Variants in PDE4DIP observed in about 807,000 individuals in gnomAD.
PDE4DIP encodes phosphodiesterase 4D interacting protein, also known as myomegalin.
Under a neutral mutation model 221.4 loss-of-function variants are expected in PDE4DIP, and 59 were observed. That is an observed-to-expected ratio of 0.27 (90% confidence interval 0.22 to 0.33). The LOEUF (loss-of-function observed/expected upper bound fraction) is 0.33, where lower values mean the gene tolerates loss of function less well. PDE4DIP is among the 10% of genes least tolerant of loss of function. PDE4DIP has a pLI of 1.00. For missense variants in PDE4DIP, 1,036 were observed against 2,154.2 expected, an observed-to-expected ratio of 0.48 and a Z score of 10.28; for synonymous variants, 404 against 815.9, an observed-to-expected ratio of 0.50 and a Z score of 8.60.
intron 27 of PDE4DIP, among the ~76,000 whole-genome samples, chr1:149,006,031 G>A (rs1395570161): frequency 2.0e-4 from 30 of 152,268 alleles, no homozygotes; most frequent in Non-Finnish European, 4.3e-4. Flanking sequence ...TATTCGGGAG[G>A]CTGAGGCAGG....
chr1:149,012,618 T>C (rs782134708), exon 32 of PDE4DIP: 3 of 1,602,656 alleles, frequency 1.9e-6, no homozygotes, highest in East Asian at 4.5e-5. Context: ...ATACCCAAGC[T>C]GGCTAGCCTT....
intron 6 of PDE4DIP, among the ~76,000 whole-genome samples, chr1:148,961,268 A>C (rs1265147004): frequency 2.0e-5 from 3 of 152,214 alleles, no homozygotes; most frequent in Admixed American, 2.0e-4. Flanking sequence ...GGACCATGCC[A>C]CTGCACTCAG....
rs587687259 is a variant in PDE4DIP at position 148,815,394 on chromosome 1, C to G, written c.233+6657C>G. On this transcript the variant is annotated intron_variant, in intron 1 of 45. Coordinates refer to the PDE4DIP transcript ENST00000524974. ...TGAAACCCTGTCTCTGTTAAAAATA[C>G]AAAAGTTAGCTGGGCGTGGTGGCAT... Among the ~76,000 whole-genome samples the G allele has an allele frequency of 3.4e-4, 50 of 145,158 alleles. No homozygotes were observed. In the East Asian group the frequency reaches 3.6e-3, roughly 11 times the overall value.
intron 39 of PDE4DIP, among the ~76,000 whole-genome samples, chr1:149,027,124 TATTA>T (rs1277151664): frequency 2.1e-5 from 3 of 145,744 alleles, no homozygotes; most frequent in African/African-American, 7.6e-5. Flanking sequence ...CTCAGAAACT[TATTA>T]TTTATTATGA....
exon 44 of PDE4DIP, chr1:149,032,649 T>A (rs1473939033): frequency 2.2e-5 from 5 of 230,708 alleles, no homozygotes; most frequent in African/African-American, 8.9e-5. Context: ...TTTTCTTCTA[T>A]GATATCCAAA....
intron 21 of PDE4DIP, chr1:148,984,977 C>T (rs1440951009): frequency 2.6e-5 from 4 of 152,094 alleles, no homozygotes; most frequent in African/African-American, 9.7e-5. Context: ...TGCAGGTTTA[C>T]AGTCAGTATC....
chr1:149,023,654 A>T (rs879961635), intron 37 of PDE4DIP, among the ~76,000 whole-genome samples: 1 of 131,612 alleles, frequency 7.6e-6, no homozygotes. Context: ...ATATATGTAC[A>T]TGTATATGTG....
intron 3 of PDE4DIP, among the ~76,000 whole-genome samples, chr1:148,877,011 CA>C (rs1318672732): frequency 7.1e-6 from 1 of 141,528 alleles, no homozygotes; most frequent in Non-Finnish European, 1.5e-5. Flanking sequence ...GACTCCGTCT[CA>C]AAAAAAACAA....
At chr1:148,916,990 AC>A (rs2044234321) in intron 1 of PDE4DIP, among the ~76,000 whole-genome samples, 1 of 147,956 alleles carries the variant, frequency 6.8e-6, no homozygotes, top group South Asian at 2.2e-4. Context: ...CTCCAGACTT[AC>A]CCCTGGCTTT....
chr1:149,029,195 G>T (rs2076013333), intron 41 of PDE4DIP, among the ~76,000 whole-genome samples: 1 of 152,122 alleles, frequency 6.6e-6, no homozygotes, highest in African/African-American at 2.4e-5. Context: ...GGGAAAGTCA[G>T]CCACCCCTCA....
chr1:148,818,116 T>C (rs1196279258), intron 1 of PDE4DIP, among the ~76,000 whole-genome samples: 1 of 148,880 alleles, frequency 6.7e-6, no homozygotes, highest in Non-Finnish European at 1.5e-5. Flanking sequence ...GCCCCGCCCA[T>C]GTATTAATAT....
rs587639290 is a variant in PDE4DIP at position 148,844,687 on chromosome 1, G to A, written c.234-18563G>A. The A allele has an allele frequency of 5.7e-4, 14 of 24,604 alleles. No homozygotes were observed. In the South Asian group the frequency reaches 5.9e-3, roughly 10 times the overall value. 1.5% of individuals were successfully genotyped at this position (24,604 alleles called of 1,614,324 possible). ...GAAAAAGCTGCTGCCTTTTGCGCTG[G>A]AGATTCGTGGGCAAGGCTTCTCATT... On this transcript the variant is annotated intron_variant, in intron 1 of 45. Coordinates refer to the PDE4DIP transcript ENST00000524974.
At chr1:149,012,740 C>A (rs587629236) in exon 32 of PDE4DIP, 1 of 1,611,728 alleles carries the variant, frequency 6.2e-7, no homozygotes, top group Non-Finnish European at 8.5e-7. Context: ...TGAGGCTCAG[C>A]AGGAGCTACA....
Position 148,943,741 on chromosome 1 carries a change from A to G in PDE4DIP, c.636+5877A>G, listed in dbSNP as rs367615555. On this transcript the variant is annotated intron_variant, in intron 5 of 43. Coordinates refer to ENST00000369354, the Ensembl canonical transcript of PDE4DIP. ...TTCCAAATACTTCAGAAGCAGTCTTAGTCCACTCAGGCTGCTATAACAGAA... is the reference window on the plus strand; with the variant it reads ...TTCCAAATACTTCAGAAGCAGTCTTGGTCCACTCAGGCTGCTATAACAGAA... Among the ~76,000 whole-genome samples the G allele has an allele frequency of 3.0e-3, 337 of 113,738 alleles. 3 individuals carry two copies. Among genetic ancestry groups the G allele is most frequent in the African/African-American group, 0.011 (317 of 28,838 alleles). 74.6% of individuals were successfully genotyped at this position (113,738 alleles called of 152,430 possible).
chr1:148,992,734 A>G (rs61809684), intron 22 of PDE4DIP: 3 of 852,442 alleles, frequency 3.5e-6, no homozygotes, highest in Non-Finnish European at 4.4e-6. Context: ...TCATCTCCTA[A>G]ATGGACTGTG....
chr1:148,990,782 C>T lies in PDE4DIP; in HGVS notation c.2816-1103C>T, dbSNP rs199817213. On this transcript the variant is annotated intron_variant, in intron 21 of 43. Coordinates refer to ENST00000369354, the Ensembl canonical transcript of PDE4DIP. ...AGTAAATTTTCTTTGACAAATTAAC[C>T]ATAATAAATTTCTACACTTCCTGAA... 2.7e-4 allele frequency among the ~76,000 whole-genome samples: 25 copies of T among 94,308 alleles called. No homozygotes were observed. The East Asian group carries it at 6.2e-3, about 23-fold the overall frequency. The allele number at this position is 94,308 out of a possible 152,430, so 61.9% of individuals were successfully genotyped here.
At position 148,972,505 on chromosome 1, in the gene PDE4DIP, T is replaced by G; in HGVS notation, c.2146-6T>G. 1.8e-6 allele frequency: 1 copy of G among 557,362 alleles called. No homozygotes were observed. Among genetic ancestry groups the G allele is most frequent in the Non-Finnish European group, 3.1e-6 (1 of 321,232 alleles). 34.5% of individuals were successfully genotyped at this position (557,362 alleles called of 1,614,324 possible). A position where few individuals can be genotyped will look rare whatever the true frequency, so the allele number is the denominator to read the frequency against. ...CCTAAGTCCCCTGACTTTTGCAATT[T>G]TTTAGGGTTCAATGCAGATACCTTC... On this transcript the variant is annotated splice_region_variant and splice_polypyrimidine_tract_variant and intron_variant, in intron 15 of 43. Coordinates refer to ENST00000369354, the Ensembl canonical transcript of PDE4DIP.
intron 5 of PDE4DIP, among the ~76,000 whole-genome samples, chr1:148,954,574 G>A (rs1381753480): frequency 1.3e-5 from 2 of 152,162 alleles, no homozygotes; most frequent in Non-Finnish European, 2.9e-5. Context: ...GGCATAAACT[G>A]TTCACAGCCA....
At chr1:149,032,325 C>T in exon 44 of PDE4DIP, 1 of 577,314 alleles carries the variant, frequency 1.7e-6, no homozygotes, top group Admixed American at 3.0e-5. Flanking sequence ...GAGCACATTT[C>T]TTGCCTCATC....
Sources: gnomAD v4.1 joint callset for allele counts (sites outside exome capture counted in the v4.1 genomes callset) on GRCh38, gnomAD v4.1.1 for gene constraint, MANE v1.5 for transcripts, NCBI Gene and HGNC (gene_info 2026-07-23, HGNC 2026-07-21) for gene names.